ATP10A: variants seen among roughly 807,000 people sequenced by gnomAD.
The protein encoded by ATP10A is ATPase phospholipid transporting 10A (putative), also known as phospholipid-transporting ATPase VA.
In ATP10A, 111 loss-of-function variants were observed where a neutral mutation model predicts 147.8. The ratio of observed to expected loss-of-function variants is 0.75; its 90% CI spans 0.64 to 0.88. The LOEUF (loss-of-function observed/expected upper bound fraction) is 0.88. Among genes scored for constraint, ATP10A ranks in the 40% least tolerant of loss-of-function variants. The probability of loss-of-function intolerance (pLI) is 0.00; values close to 1 mark genes in which losing one functional copy is unlikely to be tolerated. For synonymous variants in ATP10A, 875 were observed against 841.6 expected (o/e 1.04, Z -0.69); for missense variants, 1,927 against 1,959.0 (o/e 0.98, Z 0.31).
chr15:25,844,973 G>A (rs1336698091), intron 1 of ATP10A, among the ~76,000 whole-genome samples: 1 of 152,198 alleles, frequency 6.6e-6, no homozygotes, highest in Non-Finnish European at 1.5e-5. Context: ...CTGAACAAGG[G>A]CCATAGCAAA....
chr15:25,799,513 AAAAC>A (rs1337665219), intron 1 of ATP10A, among the ~76,000 whole-genome samples: 7 of 152,232 alleles, frequency 4.6e-5, no homozygotes, highest in Non-Finnish European at 8.8e-5. Context: ...GAATAAAAAC[AAAAC>A]AAACAGACAA....
intron 1 of ATP10A, among the ~76,000 whole-genome samples, chr15:25,800,123 A>C (rs1890868737): frequency 6.6e-6 from 1 of 152,238 alleles, no homozygotes; most frequent in Admixed American, 6.5e-5. Flanking sequence ...TGCACGCAAC[A>C]GCTCAGGGAT....
At chr15:25,780,943 T>G in intron 2 of ATP10A, 76 bp downstream of exon 2, 1 of 1,474,970 alleles carries the variant, frequency 6.8e-7, no homozygotes, top group Non-Finnish European at 9.3e-7. Context: ...GCAGGTGCTC[T>G]GAGCCCCAGA....
intron 13 of ATP10A, among the ~76,000 whole-genome samples, chr15:25,695,444 C>T (rs561449180): frequency 5.9e-5 from 9 of 151,880 alleles, no homozygotes; most frequent in East Asian, 1.9e-4. Context: ...CTGGCTAACA[C>T]GGTGAAACCC....
chr15:25,687,894 T>G (rs751132410), intron 15 of ATP10A, 66 bp from the exon 16 acceptor site: 21 of 1,605,060 alleles, frequency 1.3e-5, no homozygotes, highest in Non-Finnish European at 8.5e-7. Context: ...TCTTCTCTTC[T>G]CAAAATGCAA....
At position 25,820,485 on chromosome 15, in the gene ATP10A, A is replaced by C. The variant is rs76930483; in HGVS notation, c.450-39262T>G. 3.3e-3 allele frequency among the ~76,000 whole-genome samples: 501 copies of C among 152,306 alleles called. 6 individuals carry two copies. Among genetic ancestry groups the C allele is most frequent in the East Asian group, 0.027 (140 of 5,182 alleles). ...AGAGCAATCCCAACTAAAACTCCAA[A>C]GTCGAGGAGAGAACCTGACAATAAT... On this transcript the variant is annotated intron_variant, in intron 1 of 20. Coordinates refer to ENST00000555815, the MANE Select transcript of ATP10A (RefSeq NM_024490.4).
intron 1 of ATP10A, chr15:25,848,780 C>G (rs574351557): frequency 6.5e-5 from 10 of 153,702 alleles, no homozygotes; most frequent in Non-Finnish European, 8.8e-5. Flanking sequence ...TAAGGTGGCA[C>G]CATCAGCTGA....
intron 1 of ATP10A, among the ~76,000 whole-genome samples, chr15:25,802,245 T>C (rs1259184581): frequency 6.6e-6 from 1 of 152,184 alleles, no homozygotes; most frequent in African/African-American, 2.4e-5. Flanking sequence ...CGAGCTGTTC[T>C]CAACGTCGGA....
At chr15:25,813,364 A>T (rs559643228) in intron 1 of ATP10A, among the ~76,000 whole-genome samples, 1 of 152,358 alleles carries the variant, frequency 6.6e-6, no homozygotes, top group African/African-American at 2.4e-5. Flanking sequence ...AAAGGTTAAA[A>T]GTAAGCCTCC....
At chr15:25,779,444 G>C (rs1168546312) in intron 2 of ATP10A, among the ~76,000 whole-genome samples, 2 of 152,186 alleles carry the variant, frequency 1.3e-5, no homozygotes, top group Non-Finnish European at 2.9e-5. Flanking sequence ...GAACTGAGAG[G>C]GGATGCTGTC....
intron 8 of ATP10A, 75 bp from the exon 9 acceptor site, chr15:25,716,999 T>G: frequency 8.1e-7 from 1 of 1,229,936 alleles, no homozygotes; most frequent in Non-Finnish European, 1.1e-6. Flanking sequence ...CTATTTAAGG[T>G]ACTTTGATTT....
intron 2 of ATP10A, among the ~76,000 whole-genome samples, chr15:25,750,688 G>A (rs537312525): frequency 7.6e-4 from 112 of 147,470 alleles, no homozygotes; most frequent in African/African-American, 2.5e-3. Flanking sequence ...AATAACATTC[G>A]TTTACAACAT....
intron 1 of ATP10A, among the ~76,000 whole-genome samples, chr15:25,809,075 T>C (rs11161223): frequency 0.55 from 83,826 of 151,872 alleles, 24,171 homozygotes; most frequent in East Asian, 0.8. Context: ...GACATGATGC[T>C]TAAGTGAGAA....
chr15:25,862,832 C>T lies in ATP10A; in HGVS notation c.265G>A (p.Val89Met), dbSNP rs1485207712. 5.6e-6 allele frequency: 9 copies of T among 1,609,648 alleles called. No homozygotes were observed. Among genetic ancestry groups the T allele is most frequent in the South Asian group, 5.5e-5 (5 of 90,248 alleles). Residue 89 changes from valine (V) to methionine (M), a missense_variant, in exon 1 of 21, where the codon GTG (valine) becomes ATG (methionine). Coordinates refer to ENST00000555815, the MANE Select transcript of ATP10A (RefSeq NM_024490.4). ...AGCAGCGCGATGAAGACAAAGTACACGTTGGCCGGGCGGTGGAACTGCTCG... is the reference window on the plus strand; with the variant it reads ...AGCAGCGCGATGAAGACAAAGTACATGTTGGCCGGGCGGTGGAACTGCTCG... ...LFEQFHRPAN[V>M]YFVFIALLNF...
intron 2 of ATP10A, among the ~76,000 whole-genome samples, chr15:25,766,101 C>G (rs1889009415): frequency 6.6e-6 from 1 of 152,144 alleles, no homozygotes; most frequent in Non-Finnish European, 1.5e-5. Context: ...GGCGGCAAGA[C>G]AAAAATTAGG....
At chr15:25,804,749 C>CT (rs1293634071) in intron 1 of ATP10A, among the ~76,000 whole-genome samples, 1 of 152,134 alleles carries the variant, frequency 6.6e-6, no homozygotes, top group Admixed American at 6.5e-5. Flanking sequence ...TCAGCACAGT[C>CT]TTTAAGAATC....
intron 1 of ATP10A, among the ~76,000 whole-genome samples, chr15:25,857,820 T>G (rs1429252102): frequency 6.6e-6 from 1 of 151,944 alleles, no homozygotes; most frequent in Non-Finnish European, 1.5e-5. Flanking sequence ...CAAATCACGG[T>G]ACTGCCATCT....
intron 3 of ATP10A, among the ~76,000 whole-genome samples, chr15:25,731,492 G>A (rs1902986163): frequency 6.6e-6 from 1 of 152,198 alleles, no homozygotes; most frequent in Non-Finnish European, 1.5e-5. Flanking sequence ...TTCTTTAGGG[G>A]AAAGTGCAAA....
intron 16 of ATP10A, 63 bp downstream of exon 16, chr15:25,687,640 G>A (rs1899766452): frequency 1.5e-6 from 2 of 1,306,086 alleles, no homozygotes; most frequent in Non-Finnish European, 2.0e-6. Context: ...GCCTCATTCA[G>A]GCGATGGTCC....
Sources: allele counts gnomAD v4.1 joint callset (sites outside exome capture counted in the v4.1 genomes callset), GRCh38; gene constraint gnomAD v4.1.1; transcripts MANE v1.5; gene names NCBI Gene and HGNC (gene_info 2026-07-23, HGNC 2026-07-21).